Variants in WDPCP observed in about 807,000 individuals in gnomAD.
The protein encoded by WDPCP is WD repeat containing planar cell polarity effector.
WDPCP carries 71 observed loss-of-function variants against 93.1 expected under a neutral mutation model. The observed-to-expected ratio is 0.76, with a 90% confidence interval of 0.63 to 0.93. The LOEUF (loss-of-function observed/expected upper bound fraction) is 0.93, where lower values mean the gene tolerates loss of function less well. WDPCP is among the 40% of genes least tolerant of loss of function. The pLI, the probability that WDPCP is intolerant of heterozygous loss-of-function variation, is 0.00. For missense variants in WDPCP, 844 were observed against 887.4 expected (o/e 0.95, Z 0.62); for synonymous variants, 315 against 315.0 (o/e 1.00, Z 0.00).
intron 13 of WDPCP, among the ~76,000 whole-genome samples, chr2:63,300,401 C>G (rs917945843): frequency 6.6e-6 from 1 of 152,168 alleles, no homozygotes; most frequent in Non-Finnish European, 1.5e-5. Context: ...TTCTGAGGCT[C>G]TCAGCCTCCA....
chr2:63,335,084 A>G (rs1417857639), intron 12 of WDPCP, among the ~76,000 whole-genome samples: 5 of 152,196 alleles, frequency 3.3e-5, no homozygotes, highest in Non-Finnish European at 7.3e-5. Context: ...TGCAGATTTA[A>G]TGAGCTAGAT....
chr2:63,540,980 GT>G (rs577501045), intron 1 of WDPCP, among the ~76,000 whole-genome samples: 1 of 149,712 alleles, frequency 6.7e-6, no homozygotes, highest in African/African-American at 2.5e-5. Flanking sequence ...GGTGGTTTTT[GT>G]TTTTTTGTTT....
chr2:63,543,741 T>C (rs1179270005), intron 1 of WDPCP, among the ~76,000 whole-genome samples: 1 of 152,130 alleles, frequency 6.6e-6, no homozygotes, highest in Non-Finnish European at 1.5e-5. Context: ...TTTCAAGTTT[T>C]AACTGATCAA....
chr2:63,597,531 C>G, intron 3 of WDPCP: 8 of 1,501,856 alleles, frequency 5.3e-6, no homozygotes, highest in Non-Finnish European at 4.5e-6. Flanking sequence ...ATCTTCAAAT[C>G]CCAGGGTGCA....
chr2:63,403,858 T>G (rs930026192), intron 10 of WDPCP, 190 bp downstream of exon 10: 7 of 720,904 alleles, frequency 9.7e-6, no homozygotes, highest in Non-Finnish European at 1.5e-5. Context: ...TACAAATTAT[T>G]CAATATCTAG....
At chr2:63,136,193 A>G (rs1670605566) in intron 17 of WDPCP, among the ~76,000 whole-genome samples, 1 of 152,166 alleles carries the variant, frequency 6.6e-6, no homozygotes, top group Non-Finnish European at 1.5e-5. Context: ...TATATTCCCC[A>G]GAGGACTTTT....
At chr2:63,586,259 G>A (rs1249233591) in intron 1 of WDPCP, among the ~76,000 whole-genome samples, 1 of 152,180 alleles carries the variant, frequency 6.6e-6, no homozygotes, top group African/African-American at 2.4e-5. Flanking sequence ...TTTGCTGGAT[G>A]TTGTTAGAAT....
intron 1 of WDPCP, among the ~76,000 whole-genome samples, chr2:63,559,401 T>A (rs941241173): frequency 6.6e-6 from 1 of 152,080 alleles, no homozygotes; most frequent in African/African-American, 2.4e-5. Flanking sequence ...CTATTCAACA[T>A]AGTATTGGAA....
chr2:63,832,045 T>C (rs1407904092), upstream of WDPCP, among the ~76,000 whole-genome samples: 1 of 152,248 alleles, frequency 6.6e-6, no homozygotes. Flanking sequence ...ACTTTTACTA[T>C]GTATCAATAC....
intron 8 of WDPCP, 138 bp from the exon 9 acceptor site, chr2:63,434,074 G>T: frequency 1.2e-6 from 1 of 852,108 alleles, no homozygotes; most frequent in Non-Finnish European, 1.8e-6. Context: ...GTAAGAAGGT[G>T]TCAGAATTTA....
chr2:63,785,023 A>G (rs541381296), intron 2 of WDPCP, among the ~76,000 whole-genome samples: 94 of 152,352 alleles, frequency 6.2e-4, no homozygotes, highest in African/African-American at 2.0e-3. Context: ...TGAGAGTTCA[A>G]TAAATGACAA....
chr2:63,265,456 G>C (rs1682024598), intron 13 of WDPCP, among the ~76,000 whole-genome samples: 1 of 152,056 alleles, frequency 6.6e-6, no homozygotes, highest in Admixed American at 6.6e-5. Flanking sequence ...CAAGAAACAT[G>C]CAGTCTACTA....
intron 12 of WDPCP, among the ~76,000 whole-genome samples, chr2:63,331,609 A>G (rs1687983230): frequency 6.6e-6 from 1 of 152,232 alleles, no homozygotes; most frequent in African/African-American, 2.4e-5. Context: ...AATAACTACA[A>G]TCAAGATAAG....
chr2:63,296,576 T>C (rs1684875022), intron 13 of WDPCP, among the ~76,000 whole-genome samples: 1 of 152,192 alleles, frequency 6.6e-6, no homozygotes, highest in Non-Finnish European at 1.5e-5. Context: ...CTTCTAGACT[T>C]GAAAAATGAC....
chr2:63,125,517 T>C (rs1669835564), intron 17 of WDPCP, among the ~76,000 whole-genome samples: 1 of 152,214 alleles, frequency 6.6e-6, no homozygotes, highest in Admixed American at 6.5e-5. Flanking sequence ...GGCCTAAAAC[T>C]CCTGGGCTCA....
At chr2:63,790,553 A>T (rs978912710) in intron 2 of WDPCP, among the ~76,000 whole-genome samples, 10 of 152,186 alleles carry the variant, frequency 6.6e-5, no homozygotes, top group African/African-American at 2.4e-4. Flanking sequence ...ATCCCATAGT[A>T]TTGGGCTACA....
chr2:63,622,083 T>TG, intron 3 of WDPCP: 1 of 1,010,308 alleles, frequency 9.9e-7, no homozygotes, highest in South Asian at 2.1e-5. Flanking sequence ...TTTTTTTTTT[T>TG]TGGAAGTTGA....
chr2:63,473,277 G>A lies in WDPCP; in HGVS notation c.384+11327C>T, dbSNP rs544167667. Among the ~76,000 whole-genome samples the A allele has an allele frequency of 1.7e-4, 26 of 152,256 alleles. No individual in the cohort carries two copies. The South Asian group carries it at 5.4e-3, about 32-fold the overall frequency. ...ACATAGAGACATAAGCCTTGTTGCTGGAGCAGGGAAAGAGTTGGGAAAAAC... is the reference window on the plus strand; with the variant it reads ...ACATAGAGACATAAGCCTTGTTGCTAGAGCAGGGAAAGAGTTGGGAAAAAC... On this transcript the variant is annotated intron_variant, in intron 6 of 17. Coordinates refer to ENST00000272321, the MANE Select transcript of WDPCP (RefSeq NM_015910.7).
In WDPCP at chr2:63,594,688, T is replaced by C. The variant is rs1193526741; in HGVS notation, n.488+55971A>G. 4.9e-6 allele frequency: 4 copies of C among 810,236 alleles called. No individual in the cohort carries two copies. The Admixed American group carries it at 9.2e-5, about 19-fold the overall frequency. 50.2% of individuals were successfully genotyped at this position (810,236 alleles called of 1,614,324 possible). A position where few individuals can be genotyped will look rare whatever the true frequency, so the allele number is the denominator to read the frequency against. ...CAAATTGTTAAACAGTGAAGGAATA[T>C]GTAATCCCAGTAAATGTAATAGGCA... On this transcript the variant is annotated intron_variant and non_coding_transcript_variant, in intron 3 of 4. Coordinates refer to the WDPCP transcript ENST00000467687.
Sources: gnomAD v4.1 joint callset for allele counts (sites outside exome capture counted in the v4.1 genomes callset) on GRCh38, gnomAD v4.1.1 for gene constraint, MANE v1.5 for transcripts, NCBI Gene and HGNC (gene_info 2026-07-23, HGNC 2026-07-21) for gene names.